The following TP53BP1 variants were observed in gnomAD, a reference collection of about 807,000 sequenced individuals.
TP53BP1 encodes the protein TP53-binding protein 1.
Under a neutral mutation model 200.8 loss-of-function variants are expected in TP53BP1, and 61 were observed. That is an observed-to-expected ratio of 0.30 (90% CI 0.25 to 0.38). TP53BP1 has a LOEUF of 0.38. TP53BP1 is among the 10% of genes least tolerant of loss of function. The probability of loss-of-function intolerance (pLI) is 1.00; values close to 1 mark genes in which losing one functional copy is unlikely to be tolerated. For synonymous variants in TP53BP1, 822 were observed against 844.3 expected, an observed-to-expected ratio of 0.97 and a Z score of 0.46; for missense variants, 2,144 against 2,371.9, an observed-to-expected ratio of 0.90 and a Z score of 2.00.
intron 23 of TP53BP1, 25 bp downstream of exon 23, chr15:43,415,569 G>T: frequency 1.2e-6 from 2 of 1,612,264 alleles, no homozygotes; most frequent in Non-Finnish European, 1.7e-6. Context: ...TCTGAAGGAA[G>T]AATGAGGCAA....
chr15:43,482,235 C>A (rs938301845), intron 4 of TP53BP1, among the ~76,000 whole-genome samples: 25 of 148,900 alleles, frequency 1.7e-4, no homozygotes, highest in African/African-American at 6.1e-4. Context: ...CCTCAAAAAA[C>A]AACAACAACA....
chr15:43,492,196 G>T, intron 2 of TP53BP1, 88 bp downstream of exon 2: 1 of 1,486,922 alleles, frequency 6.7e-7, no homozygotes, highest in Non-Finnish European at 9.3e-7. Context: ...TATTGAGAAG[G>T]TAATGATCTT....
chr15:43,491,662 T>A lies in TP53BP1; in HGVS notation c.371+7A>T. 1 of 1,605,892 alleles carries A rather than the reference T, an allele frequency of 6.2e-7. No homozygotes were observed. Among genetic ancestry groups the A allele is most frequent in the South Asian group, 1.1e-5 (1 of 90,878 alleles). Reference sequence around the variant, plus strand: ...CATTTAAATAAACCCCTTCAAACACTGTATACCTGCTTGTCCTGTTTGGCT... The same window carrying A: ...CATTTAAATAAACCCCTTCAAACACAGTATACCTGCTTGTCCTGTTTGGCT... On this transcript the variant is annotated splice_region_variant and intron_variant, in intron 4 of 27. Coordinates refer to ENST00000382044, the MANE Select transcript of TP53BP1 (RefSeq NM_001141980.3).
At chr15:43,507,122 T>C (rs955322778) in intron 1 of TP53BP1, among the ~76,000 whole-genome samples, 5 of 152,116 alleles carry the variant, frequency 3.3e-5, no homozygotes, top group African/African-American at 1.2e-4. Flanking sequence ...GGTTTGTTTG[T>C]GCATTTTGTC....
intron 12 of TP53BP1, among the ~76,000 whole-genome samples, chr15:43,455,052 A>T (rs1426743225): frequency 6.6e-6 from 1 of 152,206 alleles, no homozygotes; most frequent in African/African-American, 2.4e-5. Context: ...TTAGAAAGTA[A>T]TCTACGTTTT....
Position 43,420,740 on chromosome 15 carries a change from A to G in TP53BP1, c.4251-5T>C, listed in dbSNP as rs763070669. ...GGGCCAGGCACAGCTGTTTCTCTAA[A>G]GAGAGATAGGGGATAGGAGAAGCCG... On this transcript the variant is annotated splice_polypyrimidine_tract_variant and splice_region_variant and intron_variant, in intron 20 of 27. Transcript: ENST00000382044. The G allele has an allele frequency of 2.5e-6, 4 of 1,610,946 alleles. No individual in the cohort carries two copies. The African/African-American group carries it at 4.0e-5, about 16-fold the overall frequency.
At chr15:43,458,263 C>G (rs1336427169) in intron 11 of TP53BP1, among the ~76,000 whole-genome samples, 1 of 151,644 alleles carries the variant, frequency 6.6e-6, no homozygotes, top group East Asian at 1.9e-4. Context: ...GAAACCCCAT[C>G]TCTACTAAAA....
At chr15:43,449,857 A>C (rs2046127296) in intron 12 of TP53BP1, among the ~76,000 whole-genome samples, 1 of 152,214 alleles carries the variant, frequency 6.6e-6, no homozygotes, top group African/African-American at 2.4e-5. Flanking sequence ...ATTCACGTTC[A>C]TAAAGCTTCT....
chr15:43,408,156 G>C, intron 26 of TP53BP1, 68 bp from the exon 27 acceptor site: 1 of 1,496,864 alleles, frequency 6.7e-7, no homozygotes, highest in Non-Finnish European at 9.2e-7. Flanking sequence ...TTCTGCAAAG[G>C]GACTCATGTA....
At chr15:43,453,989 G>A (rs1007822813) in intron 12 of TP53BP1, among the ~76,000 whole-genome samples, 41 of 152,052 alleles carry the variant, frequency 2.7e-4, no homozygotes, top group African/African-American at 9.7e-4. Flanking sequence ...GGCAGATGAC[G>A]AGGTCAGGAG....
chr15:43,495,825 A>AG (rs2079180028), upstream of TP53BP1, among the ~76,000 whole-genome samples: 3 of 152,222 alleles, frequency 2.0e-5, no homozygotes, highest in South Asian at 6.2e-4. Flanking sequence ...TCAAAAAAAA[A>AG]AAAAAAGCCT....
At chr15:43,479,776 C>A in intron 6 of TP53BP1, 83 bp downstream of exon 6, 2 of 1,526,040 alleles carry the variant, frequency 1.3e-6, no homozygotes, top group South Asian at 1.2e-5. Context: ...TGGATAGCTG[C>A]AAAACTTATC....
At chr15:43,494,407 T>C (rs2079167099), upstream of TP53BP1, among the ~76,000 whole-genome samples, 1 of 152,182 alleles carries the variant, frequency 6.6e-6, no homozygotes, top group Admixed American at 6.5e-5. Context: ...AAGCATGTTG[T>C]CTGAATACAC....
At chr15:43,445,974 A>G (rs2046032883) in intron 14 of TP53BP1, among the ~76,000 whole-genome samples, 1 of 152,176 alleles carries the variant, frequency 6.6e-6, no homozygotes, top group Non-Finnish European at 1.5e-5. Flanking sequence ...TCTCAGCATG[A>G]TGTAAAAAGC....
rs1050263391 is a variant in TP53BP1, at chr15:43,475,457, G to T, written c.1085+108C>A. The stretch of plus-strand genomic sequence containing the variant: ...TCTAATGCATAGGTTCTACCATTTG[G>T]TTTCAAAAAGAATTCTAGACTAGCA... On this transcript the variant is annotated intron_variant, in intron 9 of 27. Coordinates refer to ENST00000382044, the MANE Select transcript of TP53BP1 (RefSeq NM_001141980.3). 9.8e-6 allele frequency: 13 copies of T among 1,324,194 alleles called. No individual in the cohort carries two copies. In the South Asian group the frequency reaches 1.9e-4, roughly 19 times the overall value. The allele number at this position is 1,324,194 out of a possible 1,614,324, so 82.0% of individuals were successfully genotyped here.
At chr15:43,425,423 A>G (rs2045504131) in intron 18 of TP53BP1, among the ~76,000 whole-genome samples, 2 of 152,168 alleles carry the variant, frequency 1.3e-5, no homozygotes, top group Non-Finnish European at 2.9e-5. Flanking sequence ...AGAGTTCAAG[A>G]CCAGTCTGGG....
At chr15:43,412,310 T>G (rs2045138798) in intron 24 of TP53BP1, among the ~76,000 whole-genome samples, 1 of 152,264 alleles carries the variant, frequency 6.6e-6, no homozygotes. Context: ...CCATGTTGCC[T>G]AATTCAATTC....
At chr15:43,420,955 C>T (rs552829108) in intron 20 of TP53BP1, 70 bp downstream of exon 20, 1 of 1,545,030 alleles carries the variant, frequency 6.5e-7, no homozygotes, top group Admixed American at 1.9e-5. Flanking sequence ...CACAAACTCT[C>T]TACTCCCCTC....
chr15:43,420,958 C>A, intron 20 of TP53BP1, 67 bp downstream of exon 20: 1 of 1,545,798 alleles, frequency 6.5e-7, no homozygotes, highest in Non-Finnish European at 8.8e-7. Context: ...AAACTCTCTA[C>A]TCCCCTCTCC....
Sources: allele counts gnomAD v4.1 joint callset (sites outside exome capture counted in the v4.1 genomes callset), GRCh38; gene constraint gnomAD v4.1.1; transcripts MANE v1.5; gene names NCBI Gene and HGNC (gene_info 2026-07-23, HGNC 2026-07-21).